The following IGF2BP3 variants were observed in gnomAD, a reference collection of about 807,000 sequenced individuals.
IGF2BP3 encodes insulin like growth factor 2 mRNA binding protein 3.
Under a neutral mutation model 73.8 loss-of-function variants are expected in IGF2BP3, and 9 were observed. That is an observed-to-expected ratio of 0.12 (90% CI 0.07 to 0.21). The LOEUF is 0.21. Ranked by LOEUF, IGF2BP3 falls within the 10% of genes least tolerant of loss-of-function variation. The pLI, the probability that IGF2BP3 is intolerant of heterozygous loss-of-function variation, is 1.00. For synonymous variants in IGF2BP3, 258 were observed against 256.7 expected (o/e 1.01, Z -0.05); for missense variants, 542 against 714.0 (o/e 0.76, Z 2.75).
chr7:23,357,625 G>A (rs1199368642), intron 5 of IGF2BP3, among the ~76,000 whole-genome samples: 3 of 152,030 alleles, frequency 2.0e-5, no homozygotes, highest in Admixed American at 6.6e-5. Flanking sequence ...TCGCTCTGAG[G>A]AACAAGAAAA....
intron 2 of IGF2BP3, among the ~76,000 whole-genome samples, chr7:23,444,766 T>C (rs1204215890): frequency 5.2e-5 from 7 of 135,468 alleles, no homozygotes; most frequent in Non-Finnish European, 1.1e-4. Flanking sequence ...AAAAAAAAAA[T>C]TGCTTTTTAA....
chr7:23,316,674 CAAAAAAAAAA>C (rs1271667588), intron 12 of IGF2BP3, among the ~76,000 whole-genome samples: 4 of 50,122 alleles, frequency 8.0e-5, no homozygotes, highest in Admixed American at 7.9e-4. Context: ...GACTCTGTCT[CAAAAAAAAAA>C]AAAAAAAAAA....
At chr7:23,365,705 G>A (rs1324290512) in intron 3 of IGF2BP3, 4 of 152,200 alleles carry the variant, frequency 2.6e-5, no homozygotes, top group African/African-American at 4.8e-5. Flanking sequence ...CATTTACAAG[G>A]GTATCCATGG....
intron 2 of IGF2BP3, among the ~76,000 whole-genome samples, chr7:23,443,965 C>T (rs1244952159): frequency 6.6e-6 from 1 of 152,100 alleles, no homozygotes; most frequent in African/African-American, 2.4e-5. Context: ...GCTGAGATCG[C>T]GCCACTGCAC....
At chr7:23,329,212 CA>C (rs1216605827) in intron 10 of IGF2BP3, among the ~76,000 whole-genome samples, 132 of 131,614 alleles carry the variant, frequency 1.0e-3, no homozygotes, top group East Asian at 1.5e-3. Context: ...GACTCCGTCT[CA>C]AAAAAAAAAA....
intron 2 of IGF2BP3, among the ~76,000 whole-genome samples, chr7:23,428,837 CATT>C (rs1562748191): frequency 6.6e-6 from 1 of 151,042 alleles, no homozygotes; most frequent in African/African-American, 2.4e-5. Flanking sequence ...CCTTCAGTAT[CATT>C]ATTAATTCAG....
chr7:23,388,167 G>A (rs1051433609), intron 3 of IGF2BP3, among the ~76,000 whole-genome samples: 1 of 152,098 alleles, frequency 6.6e-6, no homozygotes, highest in African/African-American at 2.4e-5. Context: ...TCAATCTCCT[G>A]ACCTCAAGAT....
intron 2 of IGF2BP3, among the ~76,000 whole-genome samples, chr7:23,439,731 T>C (rs1445420024): frequency 3.3e-5 from 5 of 152,168 alleles, no homozygotes; most frequent in African/African-American, 1.2e-4. Flanking sequence ...GAAAAACTCT[T>C]GGTCTCCTTT....
rs1039154274 is a variant in IGF2BP3, at chr7:23,469,239, G to A, written c.175+697C>T. 1.3e-5 allele frequency: 2 copies of A among 152,356 alleles called. No homozygotes were observed. Among genetic ancestry groups the A allele is most frequent in the Admixed American group, 6.5e-5 (1 of 15,288 alleles). The allele number at this position is 152,356 out of a possible 1,614,324, so 9.4% of individuals were successfully genotyped here. A position where few individuals can be genotyped will look rare whatever the true frequency, so the allele number is the denominator to read the frequency against. ...CCTCGCCCTGGCGGAGCCATACCCG[G>A]AGGCCGCAGCCCCGCGCCAGGGCCC... is the stretch of plus-strand genomic sequence containing the variant. On this transcript the variant is annotated intron_variant, in intron 1 of 14. Transcript: ENST00000258729. This position sits in a 1 kb window ranked among gnomAD's most constrained non-coding sequence, Gnocchi z 6.1.
At position 23,470,224 on chromosome 7, in the gene IGF2BP3, A is replaced by T. The variant is rs1788684649; in HGVS notation, c.-114T>A. The T allele has an allele frequency of 3.8e-6, 3 of 786,346 alleles. No homozygotes were observed. The South Asian group carries it at 5.6e-5, about 15-fold the overall frequency. 48.7% of individuals were successfully genotyped at this position (786,346 alleles called of 1,614,324 possible). A position where few individuals can be genotyped will look rare whatever the true frequency, so the allele number is the denominator to read the frequency against. On this transcript the variant is annotated 5_prime_UTR_variant, in exon 1 of 15. Transcript: ENST00000258729. ...TTCCCCTCGTCTTCTCGCCTTTAAA[A>T]TACACAAACACAGTAAGAACCAAGC...
In IGF2BP3 at chr7:23,312,720, T is replaced by G; in HGVS notation, c.1641+15A>C. 1.3e-6 allele frequency: 2 copies of G among 1,545,834 alleles called. No homozygotes were observed. The highest frequency in any genetic ancestry group is 8.9e-7 in the Non-Finnish European group (1 of 1,122,422). Reference sequence around the variant, plus strand: ...CGTGAGAAAGATACAATAGCTTATTTTAGAGCCCACTTGCCTGGCAAGCAT... The same window carrying G: ...CGTGAGAAAGATACAATAGCTTATTGTAGAGCCCACTTGCCTGGCAAGCAT... On this transcript the variant is annotated intron_variant, in intron 14 of 14. Coordinates refer to ENST00000258729, the MANE Select transcript of IGF2BP3 (RefSeq NM_006547.3).
intron 10 of IGF2BP3, among the ~76,000 whole-genome samples, chr7:23,326,904 CTG>C (rs1271789681): frequency 8.4e-6 from 1 of 119,138 alleles, no homozygotes; most frequent in Non-Finnish European, 1.6e-5. Flanking sequence ...ACATCACACT[CTG>C]GGGACTGTTG....
rs1173200534 is a variant in IGF2BP3, at chr7:23,332,416, A to G, written c.1203+9648T>C. On this transcript the variant is annotated intron_variant, in intron 10 of 14. Coordinates refer to ENST00000258729, the MANE Select transcript of IGF2BP3 (RefSeq NM_006547.3). ...TACTCCATGTTTTCTAGGATAATGTAACACACTGCAAGTATTAATATAGCT... is the reference window on the plus strand; with the variant it reads ...TACTCCATGTTTTCTAGGATAATGTGACACACTGCAAGTATTAATATAGCT... Among the ~76,000 whole-genome samples, 4 of 152,374 alleles carry G rather than the reference A, an allele frequency of 2.6e-5. No individual in the cohort carries two copies. The East Asian group carries it at 7.7e-4, about 29-fold the overall frequency.
intron 3 of IGF2BP3, among the ~76,000 whole-genome samples, chr7:23,399,953 GT>G (rs961724048): frequency 3.0e-4 from 46 of 151,650 alleles, no homozygotes; most frequent in African/African-American, 9.4e-4. Context: ...ATATGAGCCA[GT>G]TTTTTTTTCC....
chr7:23,339,800 T>C (rs1271814248), intron 10 of IGF2BP3, among the ~76,000 whole-genome samples: 2 of 152,194 alleles, frequency 1.3e-5, no homozygotes, highest in African/African-American at 2.4e-5. Context: ...TTGTACCTTT[T>C]AGTAAGTGTC....
chr7:23,316,490 C>T (rs1783991462), intron 12 of IGF2BP3, among the ~76,000 whole-genome samples: 1 of 151,804 alleles, frequency 6.6e-6, no homozygotes. Flanking sequence ...GAGTGTGTGG[C>T]CAACATGGTG....
rs530007190 is a variant in IGF2BP3 at position 23,312,019 on chromosome 7, A to G, written c.*343T>C. ...ATTTAGTGAAAGCATCATTAAGCCA[A>G]TTTCTGGCATTATGGGGGAATATTA... On this transcript the variant is annotated 3_prime_UTR_variant, in exon 15 of 15. Coordinates refer to ENST00000258729, the MANE Select transcript of IGF2BP3 (RefSeq NM_006547.3). The G allele has an allele frequency of 7.2e-5, 15 of 207,996 alleles. No homozygotes were observed. Among genetic ancestry groups the G allele is most frequent in the African/African-American group, 3.4e-4 (15 of 43,748 alleles). The allele number at this position is 207,996 out of a possible 1,614,324, so 12.9% of individuals were successfully genotyped here.
At chr7:23,344,046 A>G (rs963059983) in intron 8 of IGF2BP3, among the ~76,000 whole-genome samples, 193 bp from the exon 9 acceptor site, 1 of 152,232 alleles carries the variant, frequency 6.6e-6, no homozygotes, top group Non-Finnish European at 1.5e-5. Flanking sequence ...AAGAGAGAAG[A>G]AAATATTTGC....
chr7:23,391,745 T>C (rs1786284110), intron 3 of IGF2BP3, among the ~76,000 whole-genome samples: 1 of 152,232 alleles, frequency 6.6e-6, no homozygotes, highest in Non-Finnish European at 1.5e-5. Flanking sequence ...AAAGCACTGA[T>C]CATTGTCTGT....
Sources: gnomAD v4.1 joint callset for allele counts (sites outside exome capture counted in the v4.1 genomes callset) on GRCh38, gnomAD v4.1.1 for gene constraint, Gnocchi (gnomAD v3.1) non-coding constraint, MANE v1.5 for transcripts, NCBI Gene and HGNC (gene_info 2026-07-23, HGNC 2026-07-21) for gene names.